The following SLC9A9 variants were observed in gnomAD, a reference collection of about 807,000 sequenced individuals.
SLC9A9 encodes solute carrier family 9 member A9, also known as sodium/hydrogen exchanger 9.
A neutral mutation model predicts 77.8 loss-of-function variants in SLC9A9; 62 were observed. The observed-to-expected ratio is 0.80, with a 90% confidence interval of 0.65 to 0.98. The LOEUF (loss-of-function observed/expected upper bound fraction) is 0.98, where lower values mean the gene tolerates loss of function less well. Among genes scored for constraint, SLC9A9 ranks in the 50% least tolerant of loss-of-function variants. SLC9A9 has a pLI of 0.00. For missense variants in SLC9A9, 775 were observed against 774.9 expected (o/e 1.00, Z 0.00); for synonymous variants, 320 against 283.5 (o/e 1.13, Z -1.29).
intron 12 of SLC9A9, among the ~76,000 whole-genome samples, chr3:143,415,850 A>G (rs2034182889): frequency 6.6e-6 from 1 of 152,214 alleles, no homozygotes; most frequent in African/African-American, 2.4e-5. Flanking sequence ...CTCTATCTCT[A>G]TCTGGGCAAA....
intron 12 of SLC9A9, among the ~76,000 whole-genome samples, chr3:143,410,810 G>T (rs1265841235): frequency 6.6e-6 from 1 of 152,054 alleles, no homozygotes; most frequent in African/African-American, 2.4e-5. Flanking sequence ...CAATTTAGCT[G>T]TGTCCTATAC....
At chr3:143,639,495 A>C (rs1430528797) in intron 6 of SLC9A9, among the ~76,000 whole-genome samples, 3 of 152,192 alleles carry the variant, frequency 2.0e-5, no homozygotes. Flanking sequence ...GCATCATGAC[A>C]AAAGTATACT....
intron 12 of SLC9A9, among the ~76,000 whole-genome samples, chr3:143,436,462 C>T (rs759796265): frequency 3.9e-5 from 6 of 152,298 alleles, no homozygotes; most frequent in South Asian, 4.1e-4. Flanking sequence ...AGCCAGATCT[C>T]GTTCAGTCCA....
At chr3:143,408,247 G>A (rs954326470) in intron 12 of SLC9A9, among the ~76,000 whole-genome samples, 5 of 152,152 alleles carry the variant, frequency 3.3e-5, no homozygotes, top group Non-Finnish European at 2.9e-5. Context: ...TACTGTTGGG[G>A]TCTGAGATTC....
chr3:143,419,231 T>G (rs976025861), intron 12 of SLC9A9, among the ~76,000 whole-genome samples: 2 of 152,160 alleles, frequency 1.3e-5, no homozygotes, highest in African/African-American at 4.8e-5. Flanking sequence ...ACTTACTATG[T>G]GCCAGGCACC....
At chr3:143,745,985 T>C (rs73009482) in intron 4 of SLC9A9, among the ~76,000 whole-genome samples, 3,142 of 152,280 alleles carry the variant, frequency 0.021, 109 homozygotes, top group African/African-American at 0.073. Flanking sequence ...GTAAAGGCCC[T>C]GAGGCAGGAA....
intron 9 of SLC9A9, among the ~76,000 whole-genome samples, chr3:143,536,033 A>C (rs1488186910): frequency 6.6e-6 from 1 of 152,208 alleles, no homozygotes; most frequent in African/African-American, 2.4e-5. Flanking sequence ...AAAGTGAAGA[A>C]ATTTTACTGT....
rs539640756 is a variant in SLC9A9, at chr3:143,710,875, T to G, written c.534-17568A>C. On this transcript the variant is annotated intron_variant, in intron 4 of 15. Transcript: ENST00000316549. ...TAGCATTTGGAAACAGAAAGCCCAC[T>G]GCTTGTTGCAATAGAATGTAAATAA... 1.1e-4 allele frequency among the ~76,000 whole-genome samples: 16 copies of G among 152,350 alleles called. No individual in the cohort carries two copies. In the East Asian group the frequency reaches 3.1e-3, roughly 29 times the overall value.
chr3:143,663,161 C>A (rs2039007038), intron 5 of SLC9A9, among the ~76,000 whole-genome samples: 1 of 152,132 alleles, frequency 6.6e-6, no homozygotes, highest in Admixed American at 6.5e-5. Context: ...CTGGTGATAC[C>A]CAGGCAAACA....
chr3:143,456,571 T>TC (rs1036808438), intron 12 of SLC9A9, among the ~76,000 whole-genome samples: 3 of 149,936 alleles, frequency 2.0e-5, no homozygotes, highest in Admixed American at 1.3e-4. Context: ...TTTCTTTCTT[T>TC]TTTTTTTTTT....
intron 12 of SLC9A9, among the ~76,000 whole-genome samples, chr3:143,391,317 C>T (rs943219405): frequency 6.6e-5 from 10 of 152,216 alleles, no homozygotes; most frequent in East Asian, 1.9e-4. Context: ...CTGCAGCCTC[C>T]GCTGCTGATA....
At chr3:143,807,902 G>A (rs1250588690) in intron 2 of SLC9A9, among the ~76,000 whole-genome samples, 1 of 152,234 alleles carries the variant, frequency 6.6e-6, no homozygotes, top group Non-Finnish European at 1.5e-5. Flanking sequence ...GATCCCAAAT[G>A]GAGAAGGTGC....
chr3:143,697,313 T>A (rs1933669852), intron 4 of SLC9A9, among the ~76,000 whole-genome samples: 1 of 152,134 alleles, frequency 6.6e-6, no homozygotes, highest in South Asian at 2.1e-4. Context: ...TACAGCCTCA[T>A]GTTATTGTTA....
intron 1 of SLC9A9, among the ~76,000 whole-genome samples, chr3:143,846,424 GA>G (rs1308891261): frequency 6.6e-6 from 1 of 152,194 alleles, no homozygotes; most frequent in Non-Finnish European, 1.5e-5. Flanking sequence ...TTCTGTTCAT[GA>G]TGGAGATAGG....
At chr3:143,334,106 C>T (rs1219687042) in intron 14 of SLC9A9, among the ~76,000 whole-genome samples, 5 of 152,154 alleles carry the variant, frequency 3.3e-5, no homozygotes, top group African/African-American at 1.2e-4. Context: ...ATATGCCAAT[C>T]AATTGGAATT....
intron 13 of SLC9A9, among the ~76,000 whole-genome samples, chr3:143,368,764 G>T (rs2032973973): frequency 6.6e-6 from 1 of 152,166 alleles, no homozygotes; most frequent in Non-Finnish European, 1.5e-5. Flanking sequence ...AATTTCAAAT[G>T]CATTGCCTTG....
At chr3:143,596,948 C>T (rs1057500508) in intron 6 of SLC9A9, among the ~76,000 whole-genome samples, 1 of 152,168 alleles carries the variant, frequency 6.6e-6, no homozygotes, top group Non-Finnish European at 1.5e-5. Context: ...AGGTATGAGC[C>T]ACCACACACC....
intron 6 of SLC9A9, among the ~76,000 whole-genome samples, chr3:143,636,661 C>T (rs1209045214): frequency 6.6e-6 from 1 of 152,138 alleles, no homozygotes; most frequent in African/African-American, 2.4e-5. Flanking sequence ...TTTATTACTC[C>T]ACTCTTTATG....
chr3:143,804,767 C>T (rs1259465619), intron 2 of SLC9A9, among the ~76,000 whole-genome samples: 1 of 152,170 alleles, frequency 6.6e-6, no homozygotes, highest in African/African-American at 2.4e-5. Flanking sequence ...TTAGGACTTT[C>T]CACCTCCACT....
Sources: allele counts gnomAD v4.1 joint callset (sites outside exome capture counted in the v4.1 genomes callset), GRCh38; gene constraint gnomAD v4.1.1; transcripts MANE v1.5; gene names NCBI Gene and HGNC (gene_info 2026-07-23, HGNC 2026-07-21).